Variants in SEC22B observed in about 807,000 individuals in gnomAD.
SEC22B encodes the protein SEC22 homolog B, vesicle trafficking protein.
A neutral mutation model predicts 31.4 loss-of-function variants in SEC22B; 10 were observed. That is an observed-to-expected ratio of 0.32 (90% CI 0.20 to 0.54). SEC22B has a LOEUF of 0.54. Ranked by LOEUF, SEC22B falls within the 20% of genes least tolerant of loss-of-function variation. The pLI is 0.94. For missense variants in SEC22B, 130 were observed against 263.4 expected (o/e 0.49, Z 3.50); for synonymous variants, 60 against 95.9 (o/e 0.63, Z 2.19).
intron 2 of SEC22B, among the ~76,000 whole-genome samples, chr1:120,165,015 T>C (rs1406524370): frequency 3.9e-5 from 6 of 152,078 alleles, no homozygotes; most frequent in Non-Finnish European, 7.4e-5. Context: ...ATTAGTGATG[T>C]GCATTTTTTC....
rs1657548659 is a variant in SEC22B, at chr1:120,151,910, T to G, written c.*5128A>C. ...AAGCAGAGGAGTCTAATGCAATGCGTGACTTGTAGCTCAGGTAAAGGGGTG... is the reference window on the plus strand; with the variant it reads ...AAGCAGAGGAGTCTAATGCAATGCGGGACTTGTAGCTCAGGTAAAGGGGTG... On this transcript the variant is annotated 3_prime_UTR_variant, in exon 5 of 5. Coordinates refer to ENST00000578049, the MANE Select transcript of SEC22B (RefSeq NM_004892.6). The G allele has an allele frequency of 1.3e-5, 2 of 152,054 alleles. No homozygotes were observed. Among genetic ancestry groups the G allele is most frequent in the South Asian group, 4.2e-4 (2 of 4,766 alleles). 9.4% of individuals were successfully genotyped at this position (152,054 alleles called of 1,614,324 possible). A position where few individuals can be genotyped will look rare whatever the true frequency, so the allele number is the denominator to read the frequency against.
chr1:120,163,701 G>A (rs1657756580), intron 2 of SEC22B, among the ~76,000 whole-genome samples: 3 of 150,544 alleles, frequency 2.0e-5, no homozygotes, highest in African/African-American at 4.9e-5. Flanking sequence ...TCAGCCTCCC[G>A]AGCAGCTGGG....
In SEC22B at chr1:120,156,814, C is replaced by T. The variant is rs1286261139; in HGVS notation, c.*224G>A. On this transcript the variant is annotated 3_prime_UTR_variant, in exon 5 of 5. Coordinates refer to ENST00000578049, the MANE Select transcript of SEC22B (RefSeq NM_004892.6). ...CTATTCCCTAATATATATGGCTTGGCACCCAGAGAAAGCCTCTGCCCCCGA... is the reference window on the plus strand; with the variant it reads ...CTATTCCCTAATATATATGGCTTGGTACCCAGAGAAAGCCTCTGCCCCCGA... The T allele has an allele frequency of 1.1e-4, 41 of 361,704 alleles. No individual in the cohort carries two copies. Among genetic ancestry groups the T allele is most frequent in the Middle Eastern group, 7.2e-4 (1 of 1,390 alleles). The allele number at this position is 361,704 out of a possible 1,614,324, so 22.4% of individuals were successfully genotyped here.
chr1:120,164,720 G>A (rs1657779291), intron 2 of SEC22B, among the ~76,000 whole-genome samples: 5 of 152,182 alleles, frequency 3.3e-5, no homozygotes, highest in Admixed American at 3.3e-4. Flanking sequence ...GTGCTGCAAT[G>A]AATATGCAAG....
chr1:120,154,430 AGT>A lies in SEC22B; in HGVS notation c.*2606_*2607del, dbSNP rs1657598385. ...TGAGAAATAAGCTCCTAACAAAGAA[AGT>A]GTTATGTAATAGTTATTATCTGGTA... On this transcript the variant is annotated 3_prime_UTR_variant, in exon 5 of 5. Transcript: ENST00000578049. 6.6e-6 allele frequency: 1 copy of A among 150,928 alleles called. No individual in the cohort carries two copies. Among genetic ancestry groups the A allele is most frequent in the South Asian group, 2.1e-4 (1 of 4,820 alleles). The allele number at this position is 150,928 out of a possible 1,614,324, so 9.3% of individuals were successfully genotyped here.
chr1:120,163,314 T>G lies in SEC22B; in HGVS notation c.242A>C (p.Lys81Thr), dbSNP rs1227459388. 1 of 1,608,590 alleles carries G rather than the reference T, an allele frequency of 6.2e-7. No homozygotes were observed. The highest frequency in any genetic ancestry group is 1.4e-5 in the African/African-American group (1 of 74,024). ...TTCTAGGTAGGCAAAAGCCAACTTC[T>G]TAGGGAAGGCAGCTTCACATAAAAC... is the stretch of plus-strand genomic sequence containing the variant. ...YLVLCEAAFP[K>T]KLAFAYLEDL... Residue 81 changes from lysine (K) to threonine (T), a missense_variant, in exon 3 of 5, where the codon AAG becomes ACG. Transcript: ENST00000578049.
intron 2 of SEC22B, among the ~76,000 whole-genome samples, chr1:120,164,568 G>A (rs1657775808): frequency 6.6e-6 from 1 of 152,102 alleles, no homozygotes. Context: ...ATGACTTCCA[G>A]CTCCATCCAT....
intron 1 of SEC22B, among the ~76,000 whole-genome samples, chr1:120,171,978 C>G (rs1299369417): frequency 1.3e-5 from 2 of 148,878 alleles, no homozygotes; most frequent in Non-Finnish European, 3.0e-5. Context: ...TATGGGGGTT[C>G]ACGCCTGTAA....
At chr1:120,172,786 TATATG>T (rs1168862477) in intron 1 of SEC22B, among the ~76,000 whole-genome samples, 7 of 81,610 alleles carry the variant, frequency 8.6e-5, no homozygotes, top group Non-Finnish European at 2.1e-5. Flanking sequence ...ATGAAATTTG[TATATG>T]ATATAATTAT....
At chr1:120,169,911 G>A (rs1456572019) in intron 1 of SEC22B, among the ~76,000 whole-genome samples, 1,603 of 150,492 alleles carry the variant, frequency 0.011, 25 homozygotes, top group African/African-American at 0.037. Context: ...CAAAGTGATG[G>A]TATTAAGAAG....
intron 2 of SEC22B, among the ~76,000 whole-genome samples, chr1:120,165,538 T>TAA (rs1181782586): frequency 1.7e-4 from 26 of 152,266 alleles, no homozygotes; most frequent in African/African-American, 6.0e-4. Context: ...TATGTATATA[T>TAA]AACAAGCAAA....
At chr1:120,163,490 G>A in intron 2 of SEC22B, 120 bp from the exon 3 acceptor site, 1 of 517,766 alleles carries the variant, frequency 1.9e-6, no homozygotes, top group Middle Eastern at 3.6e-4. Context: ...ATACTTTGAG[G>A]CTGGCTAAAC....
In SEC22B at chr1:120,176,481, C is replaced by T. The variant is rs1553230230; in HGVS notation, c.-100G>A. 68 of 1,071,252 alleles carry T rather than the reference C, an allele frequency of 6.3e-5. No homozygotes were observed. In the South Asian group the frequency reaches 9.1e-4, roughly 14 times the overall value. 66.4% of individuals were successfully genotyped at this position (1,071,252 alleles called of 1,614,324 possible). A position where few individuals can be genotyped will look rare whatever the true frequency, so the allele number is the denominator to read the frequency against. ...CAGTTATACCCTATGTCTCAGTTACCGGAGATCCAGCTGCTTGCGTCTCCG... is the reference window on the plus strand; with the variant it reads ...CAGTTATACCCTATGTCTCAGTTACTGGAGATCCAGCTGCTTGCGTCTCCG... On this transcript the variant is annotated 5_prime_UTR_variant, in exon 1 of 5. Coordinates refer to ENST00000578049, the MANE Select transcript of SEC22B (RefSeq NM_004892.6).
At chr1:120,167,339 G>C (rs1657828751) in intron 2 of SEC22B, among the ~76,000 whole-genome samples, 1 of 151,910 alleles carries the variant, frequency 6.6e-6, no homozygotes, top group African/African-American at 2.4e-5. Flanking sequence ...CCAAATGGCG[G>C]ACTGTTCTCC....
In SEC22B at chr1:120,155,149, T is replaced by C. The variant is rs1206217135; in HGVS notation, c.*1889A>G. On this transcript the variant is annotated 3_prime_UTR_variant, in exon 5 of 5. Transcript: ENST00000578049. ...CCCAACAAGATTAGATAGAAATGTA[T>C]CTACAAAGGATATATGTATATAAAT... The C allele has an allele frequency of 1.3e-5, 2 of 152,112 alleles. No individual in the cohort carries two copies. The highest frequency in any genetic ancestry group is 6.5e-5 in the Admixed American group (1 of 15,272). The allele number at this position is 152,112 out of a possible 1,614,324, so 9.4% of individuals were successfully genotyped here. A position where few individuals can be genotyped will look rare whatever the true frequency, so the allele number is the denominator to read the frequency against.
intron 3 of SEC22B, among the ~76,000 whole-genome samples, chr1:120,161,467 G>A (rs1337322682): frequency 2.0e-5 from 3 of 152,234 alleles, no homozygotes; most frequent in East Asian, 1.9e-4. Flanking sequence ...GCCAAGATGG[G>A]TGGATCACTT....
In SEC22B at chr1:120,176,460, T is replaced by G; in HGVS notation, c.-79A>C. The G allele has an allele frequency of 7.8e-7, 1 of 1,284,326 alleles. No homozygotes were observed. The highest frequency in any genetic ancestry group is 1.1e-6 in the Non-Finnish European group (1 of 896,560). 79.6% of individuals were successfully genotyped at this position (1,284,326 alleles called of 1,614,324 possible). Reference sequence around the variant, plus strand: ...TCACTTCCTCCGCCGCGACAACAGTTATACCCTATGTCTCAGTTACCGGAG... The same window carrying G: ...TCACTTCCTCCGCCGCGACAACAGTGATACCCTATGTCTCAGTTACCGGAG... On this transcript the variant is annotated 5_prime_UTR_variant, in exon 1 of 5. Transcript: ENST00000578049.
chr1:120,160,988 A>G (rs1190111193), intron 3 of SEC22B, among the ~76,000 whole-genome samples: 1 of 152,136 alleles, frequency 6.6e-6, no homozygotes, highest in African/African-American at 2.4e-5. Flanking sequence ...ATCAAAATCT[A>G]GGCTTTGATT....
chr1:120,163,595 A>G (rs1657754452), intron 2 of SEC22B, among the ~76,000 whole-genome samples: 2 of 140,650 alleles, frequency 1.4e-5, no homozygotes, highest in African/African-American at 6.1e-5. Context: ...TTTTTTTTTG[A>G]GACGGAGTCT....
Sources: allele counts gnomAD v4.1 joint callset (sites outside exome capture counted in the v4.1 genomes callset), GRCh38; gene constraint gnomAD v4.1.1; transcripts MANE v1.5; gene names NCBI Gene and HGNC (gene_info 2026-07-23, HGNC 2026-07-21).